Variants in KCNC2 observed in about 807,000 individuals in gnomAD.
KCNC2 encodes the protein voltage-gated potassium channel KCNC2.
KCNC2 carries 21 observed loss-of-function variants against 44.5 expected under a neutral mutation model. That is an observed-to-expected ratio of 0.47 (90% CI 0.33 to 0.68). The LOEUF is 0.68. KCNC2 is among the 30% of genes least tolerant of loss of function. The pLI, the probability that KCNC2 is intolerant of heterozygous loss-of-function variation, is 0.01. For synonymous variants in KCNC2, 391 were observed against 339.1 expected, an observed-to-expected ratio of 1.15 and a Z score of -1.68; for missense variants, 589 against 826.2, an observed-to-expected ratio of 0.71 and a Z score of 3.52.
At chr12:75,186,491 A>G (rs528063529) in intron 2 of KCNC2, among the ~76,000 whole-genome samples, 1 of 152,012 alleles carries the variant, frequency 6.6e-6, no homozygotes, top group South Asian at 2.1e-4. Context: ...GTTATAGTTT[A>G]CGTACAACCC....
intron 2 of KCNC2, among the ~76,000 whole-genome samples, chr12:75,093,773 A>C (rs931835903): frequency 4.0e-5 from 6 of 151,640 alleles, no homozygotes; most frequent in Admixed American, 2.6e-4. Flanking sequence ...CAAGGTTTTC[A>C]AAAATATTAG....
At position 75,103,886 on chromosome 12, in the gene KCNC2, A is replaced by G. The variant is rs75697572; in HGVS notation, c.688-52569T>C. Among the ~76,000 whole-genome samples the G allele has an allele frequency of 3.4e-3, 517 of 152,322 alleles. 2 individuals are homozygous for G. Among genetic ancestry groups the G allele is most frequent in the African/African-American group, 0.012 (480 of 41,568 alleles). On this transcript the variant is annotated intron_variant, in intron 2 of 4. Coordinates refer to ENST00000549446, the MANE Select transcript of KCNC2 (RefSeq NM_139137.4). ...TGAAATGGTCTCTCTCAAAATATCT[A>G]TGGTACTGTACTTGCCTTCCTTCTT...
At chr12:75,173,550 C>T (rs1891976812) in intron 2 of KCNC2, among the ~76,000 whole-genome samples, 1 of 151,786 alleles carries the variant, frequency 6.6e-6, no homozygotes, top group Admixed American at 6.6e-5. Context: ...TCCTATTTTT[C>T]ATACTGTCAC....
At chr12:75,159,280 A>G (rs1196630336) in intron 2 of KCNC2, among the ~76,000 whole-genome samples, 1 of 151,878 alleles carries the variant, frequency 6.6e-6, no homozygotes, top group East Asian at 1.9e-4. Flanking sequence ...AAAATAAAAT[A>G]TAATTAAATT....
Position 75,207,320 on chromosome 12 carries a change from G to A in KCNC2, c.664C>T (p.Pro222Ser). ...ACCCTGGCGGCTCTGGACGAGTAGG[G>A]GTCTTCGAAGAGGGCCCACATGCGG... ...QPRMWALFEDPYSSRAARFIA... is the reference protein window; with the variant it reads ...QPRMWALFEDSYSSRAARFIA... Residue 222 changes from proline (P) to serine (S), a missense_variant, in exon 2 of 5, where the codon CCC becomes TCC. Coordinates refer to ENST00000549446, the MANE Select transcript of KCNC2 (RefSeq NM_139137.4). The surrounding 1 kb of genome is among the most constrained non-coding windows in gnomAD (Gnocchi z 4.1). The A allele has an allele frequency of 6.4e-7, 1 of 1,561,748 alleles. No homozygotes were observed.
chr12:75,207,166 C>G lies in KCNC2; in HGVS notation c.687+131G>C. The G allele has an allele frequency of 7.0e-7, 1 of 1,435,042 alleles. No homozygotes were observed. The highest frequency in any genetic ancestry group is 9.2e-7 in the Non-Finnish European group (1 of 1,091,538). 88.9% of individuals were successfully genotyped at this position (1,435,042 alleles called of 1,614,324 possible). On this transcript the variant is annotated intron_variant, in intron 2 of 4. Transcript: ENST00000549446. This position sits in a 1 kb window ranked among gnomAD's most constrained non-coding sequence, Gnocchi z 4.1. ...TACCCTGCAAAGGATGAGCCTCTAACTGTATCGCTAGGAAATCCCGGGTCT... is the reference window on the plus strand; with the variant it reads ...TACCCTGCAAAGGATGAGCCTCTAAGTGTATCGCTAGGAAATCCCGGGTCT...
chr12:75,055,892 T>C (rs1402047832), intron 2 of KCNC2, among the ~76,000 whole-genome samples: 1 of 152,100 alleles, frequency 6.6e-6, no homozygotes, highest in African/African-American at 2.4e-5. Context: ...TATATTTTTA[T>C]TTTCCTCATT....
intron 2 of KCNC2, among the ~76,000 whole-genome samples, chr12:75,107,606 C>T (rs980908787): frequency 1.3e-5 from 2 of 151,888 alleles, no homozygotes; most frequent in African/African-American, 4.8e-5. Context: ...ACATAAAATA[C>T]ATCTGTTTAT....
At chr12:75,148,712 T>G (rs1890191084) in intron 2 of KCNC2, among the ~76,000 whole-genome samples, 1 of 152,022 alleles carries the variant, frequency 6.6e-6, no homozygotes, top group Non-Finnish European at 1.5e-5. Flanking sequence ...GTTGTGGTTT[T>G]ATTGCTTCTC....
At chr12:75,188,660 G>T (rs1419174269) in intron 2 of KCNC2, among the ~76,000 whole-genome samples, 1 of 151,588 alleles carries the variant, frequency 6.6e-6, no homozygotes, top group African/African-American at 2.4e-5. Context: ...AGGAGATCAA[G>T]ACCAGCCTGG....
chr12:75,092,226 A>G (rs1885546406), intron 2 of KCNC2, among the ~76,000 whole-genome samples: 1 of 151,678 alleles, frequency 6.6e-6, no homozygotes, highest in South Asian at 2.1e-4. Context: ...ACTGAATGGC[A>G]AAGTCAAAGC....
At chr12:75,197,445 C>T (rs1435067063) in intron 2 of KCNC2, among the ~76,000 whole-genome samples, 7 of 152,030 alleles carry the variant, frequency 4.6e-5, no homozygotes, top group Admixed American at 3.9e-4. Flanking sequence ...TGGGAGTTAA[C>T]CAAAATGTCA....
Position 75,048,296 on chromosome 12 carries a change from G to C in KCNC2, c.1637C>G (p.Thr546Arg). Residue 546 changes from threonine (T) to arginine (R), a missense_variant, in exon 4 of 5, where the codon ACA (threonine) becomes AGA (arginine). Physicochemically the swap from Thr to Arg is moderately conservative, Grantham distance 71. This residue lies in a region of KCNC2 where 171 missense variants were observed against 182.4 expected (regional missense o/e 0.94). Transcript: ENST00000549446. ...GGGTGATAGTGGCGGCTCACTTCCT[G>C]TACTGTCGTCACCTGATAACACTGG... ...NRSVLSGDDSTGSEPPLSPPE... is the reference protein window; with the variant it reads ...NRSVLSGDDSRGSEPPLSPPE... 6.2e-7 allele frequency: 1 copy of C among 1,612,060 alleles called. No homozygotes were observed. Among genetic ancestry groups the C allele is most frequent in the East Asian group, 2.2e-5 (1 of 44,790 alleles).
At chr12:75,130,382 T>C (rs967520956) in intron 2 of KCNC2, among the ~76,000 whole-genome samples, 2 of 152,178 alleles carry the variant, frequency 1.3e-5, no homozygotes, top group Admixed American at 1.3e-4. Context: ...ATAAGCTTTT[T>C]TGAGAATCTG....
intron 2 of KCNC2, among the ~76,000 whole-genome samples, chr12:75,094,324 C>A (rs1885740215): frequency 6.6e-6 from 1 of 151,622 alleles, no homozygotes; most frequent in Non-Finnish European, 1.5e-5. Context: ...TAAAATATTC[C>A]TTTACCAAGA....
chr12:75,079,745 C>T (rs1420780768), intron 2 of KCNC2, among the ~76,000 whole-genome samples: 1 of 152,078 alleles, frequency 6.6e-6, no homozygotes, highest in South Asian at 2.1e-4. Context: ...GTTTTTAGCT[C>T]TTAATTAGGG....
At chr12:75,142,823 C>T (rs974005581) in intron 2 of KCNC2, among the ~76,000 whole-genome samples, 1 of 152,164 alleles carries the variant, frequency 6.6e-6, no homozygotes, top group Non-Finnish European at 1.5e-5. Flanking sequence ...TATGACCTAA[C>T]CTGAGAAGTC....
intron 2 of KCNC2, among the ~76,000 whole-genome samples, chr12:75,199,100 G>T (rs2031020576): frequency 6.6e-6 from 1 of 151,510 alleles, no homozygotes; most frequent in Non-Finnish European, 1.5e-5. Context: ...TTTCTTTCTA[G>T]GTCTCTCATC....
At chr12:75,112,963 T>A (rs1263801046) in intron 2 of KCNC2, among the ~76,000 whole-genome samples, 2 of 152,128 alleles carry the variant, frequency 1.3e-5, no homozygotes, top group East Asian at 3.9e-4. Flanking sequence ...GTTCAAATAA[T>A]ATGAAAATGG....
Sources: allele counts gnomAD v4.1 joint callset (sites outside exome capture counted in the v4.1 genomes callset), GRCh38; gene constraint gnomAD v4.1.1; regional missense constraint gnomAD v4.1.1; non-coding constraint Gnocchi (gnomAD v3.1); transcripts MANE v1.5; gene names NCBI Gene and HGNC (gene_info 2026-07-23, HGNC 2026-07-21).